Variants in CELSR1 observed in about 807,000 individuals in gnomAD.
CELSR1 encodes cadherin EGF LAG seven-pass G-type receptor 1.
In CELSR1, 110 loss-of-function variants were observed where a neutral mutation model predicts 249.1. That is an observed-to-expected ratio of 0.44 (90% CI 0.38 to 0.52). The LOEUF is 0.52. Ranked by LOEUF, CELSR1 falls within the 20% of genes least tolerant of loss-of-function variation. The pLI is 0.00. For synonymous variants in CELSR1, 2,113 were observed against 1,900.0 expected (o/e 1.11, Z -2.92); for missense variants, 4,109 against 4,296.4 (o/e 0.96, Z 1.22).
rs61702896 is a variant in CELSR1 at position 46,473,531 on chromosome 22, C to A, written c.3545-9186G>T. 0.019 allele frequency among the ~76,000 whole-genome samples: 2,840 copies of A among 152,246 alleles called. 96 individuals are homozygous for A. The highest frequency in any genetic ancestry group is 0.066 in the African/African-American group (2,735 of 41,548). ...GAGTCTCCGTCACCACCCCATGCAC[C>A]AAAGCCTGGGGGGCTCCTCCACTCT... On this transcript the variant is annotated intron_variant, in intron 1 of 34. Coordinates refer to ENST00000674500, the MANE Select transcript of CELSR1 (RefSeq NM_001378328.1). The surrounding 1 kb of genome is among the most constrained non-coding windows in gnomAD (Gnocchi z 6.6).
chr22:46,378,669 G>A lies in CELSR1; in HGVS notation c.7305C>T (p.Ser2435=), dbSNP rs1225066271. Residue 2435 remains serine (S), a synonymous_variant, in exon 23 of 35, where the codon TCC becomes TCT. Coordinates refer to ENST00000674500, the MANE Select transcript of CELSR1 (RefSeq NM_001378328.1). Reference sequence around the variant, plus strand: ...GGCAGGCGACATGTGTCCGGTTCCTGGACAGGAGCTCGCAGCCCCGGGCAG... The same window carrying A: ...GGCAGGCGACATGTGTCCGGTTCCTAGACAGGAGCTCGCAGCCCCGGGCAG... The part of the protein sequence containing the change: ...GWSARGCELL[S]RNRTHVACQC... 17 of 1,611,394 alleles carry A rather than the reference G, an allele frequency of 1.1e-5. No individual in the cohort carries two copies. Among genetic ancestry groups the A allele is most frequent in the Non-Finnish European group, 1.4e-5 (17 of 1,179,500 alleles).
In CELSR1 at chr22:46,468,285, C is replaced by T. The variant is rs1879934073; in HGVS notation, c.3545-3940G>A. On this transcript the variant is annotated intron_variant, in intron 1 of 34. Coordinates refer to ENST00000674500, the MANE Select transcript of CELSR1 (RefSeq NM_001378328.1). This position sits in a 1 kb window ranked among gnomAD's most constrained non-coding sequence, Gnocchi z 4.5. Reference sequence around the variant, plus strand: ...CCTGTAATCTTAGCTACTCGGGAGGCTGAGGCAGGAGAATCGCTTGAACCC... The same window carrying T: ...CCTGTAATCTTAGCTACTCGGGAGGTTGAGGCAGGAGAATCGCTTGAACCC... Among the ~76,000 whole-genome samples the T allele has an allele frequency of 6.6e-6, 1 of 151,480 alleles. No individual in the cohort carries two copies. Among genetic ancestry groups the T allele is most frequent in the Non-Finnish European group, 1.5e-5 (1 of 67,972 alleles).
chr22:46,463,784 G>T lies in CELSR1; in HGVS notation c.4106C>A (p.Ser1369Tyr). Residue 1369 changes from serine to tyrosine, a missense_variant, in exon 2 of 35, where the codon TCC becomes TAC. This residue lies in a region of CELSR1 where 453 missense variants were observed against 492.0 expected (regional missense o/e 0.92). Transcript: ENST00000674500. ...GCGGCCGTTGGCGCCGCACGGGTCG[G>T]AGTAGCAGAGGTCGATCTCCGTCTC... The part of the protein sequence containing the change: ...YCETEIDLCY[S>Y]DPCGANGRCR... The T allele has an allele frequency of 6.2e-7, 1 of 1,601,302 alleles. No individual in the cohort carries two copies. Among genetic ancestry groups the T allele is most frequent in the Non-Finnish European group, 8.5e-7 (1 of 1,174,030 alleles).
rs774962910 is a variant in CELSR1 at position 46,390,523 on chromosome 22, C to CA, written c.6251-38dup. ...GAGCAGGTGTGCAAAGCCTGAAACT[C>CA]AAACTGTTGATCAATGCTTGTGTAT... On this transcript the variant is annotated intron_variant, in intron 16 of 34. Coordinates refer to ENST00000674500, the MANE Select transcript of CELSR1 (RefSeq NM_001378328.1). This position sits in a 1 kb window ranked among gnomAD's most constrained non-coding sequence, Gnocchi z 6.3. 1 of 1,500,260 alleles carries CA rather than the reference C, an allele frequency of 6.7e-7. No individual in the cohort carries two copies. The highest frequency in any genetic ancestry group is 9.3e-7 in the Non-Finnish European group (1 of 1,080,918). 92.9% of individuals were successfully genotyped at this position (1,500,260 alleles called of 1,614,324 possible). A position where few individuals can be genotyped will look rare whatever the true frequency, so the allele number is the denominator to read the frequency against.
At chr22:46,453,210 G>A (rs2079906809) in intron 2 of CELSR1, among the ~76,000 whole-genome samples, 1 of 152,176 alleles carries the variant, frequency 6.6e-6, no homozygotes, top group Non-Finnish European at 1.5e-5. Flanking sequence ...GGGCTGGAAG[G>A]GACGTGCCCG....
chr22:46,444,349 T>C (rs2079792175), intron 2 of CELSR1, among the ~76,000 whole-genome samples: 1 of 152,200 alleles, frequency 6.6e-6, no homozygotes, highest in African/African-American at 2.4e-5. Context: ...TGATTTCTAG[T>C]GGCCCCCGAT....
At chr22:46,385,886 C>G (rs2079027855) in intron 19 of CELSR1, among the ~76,000 whole-genome samples, 1 of 151,650 alleles carries the variant, frequency 6.6e-6, no homozygotes, top group Non-Finnish European at 1.5e-5. Flanking sequence ...ACCATGTTAG[C>G]CAGGATGGTC....
chr22:46,386,682 C>T lies in CELSR1; in HGVS notation c.6556-97G>A, dbSNP rs150901451. 4.3e-6 allele frequency: 4 copies of T among 937,646 alleles called. No individual in the cohort carries two copies. In the African/African-American group the frequency reaches 5.1e-5, roughly 12 times the overall value. The allele number at this position is 937,646 out of a possible 1,614,324, so 58.1% of individuals were successfully genotyped here. A position where few individuals can be genotyped will look rare whatever the true frequency, so the allele number is the denominator to read the frequency against. On this transcript the variant is annotated intron_variant, in intron 18 of 34. Transcript: ENST00000674500. ...TGAAAGCCTTTGCTTGCCTAGTGGG[C>T]TCATTCATTCATTCCAGCCCTACAC... is the stretch of plus-strand genomic sequence containing the variant.
chr22:46,533,586 G>A (rs756477185), intron 1 of CELSR1, 41 bp downstream of exon 1: 1 of 1,514,474 alleles, frequency 6.6e-7, no homozygotes, highest in Non-Finnish European at 8.8e-7. Context: ...TCTCCAGGAG[G>A]CCCATCAGGA....
At chr22:46,474,143 G>C (rs934322217) in intron 1 of CELSR1, among the ~76,000 whole-genome samples, 2 of 152,194 alleles carry the variant, frequency 1.3e-5, no homozygotes, top group East Asian at 1.9e-4. Flanking sequence ...ACAAAGTCCT[G>C]TGTTAACCTT....
chr22:46,435,496 G>A (rs569197171), intron 4 of CELSR1, among the ~76,000 whole-genome samples: 22 of 151,594 alleles, frequency 1.5e-4, no homozygotes, highest in South Asian at 2.1e-4. Flanking sequence ...TAGCCAGGCT[G>A]GTCTCTAACT....
At chr22:46,461,701 C>T (rs1289616137) in intron 2 of CELSR1, among the ~76,000 whole-genome samples, 3 of 152,262 alleles carry the variant, frequency 2.0e-5, no homozygotes, top group East Asian at 3.8e-4. Flanking sequence ...GCCTGGTATA[C>T]AGTAGGTACT....
intron 14 of CELSR1, 120 bp downstream of exon 14, chr22:46,394,022 T>G (rs900344135): frequency 3.2e-6 from 4 of 1,252,816 alleles, no homozygotes; most frequent in Non-Finnish European, 4.4e-6. Context: ...GGCACAGGTG[T>G]GTGTGCAGGG....
chr22:46,431,644 C>T (rs898328585), intron 5 of CELSR1, among the ~76,000 whole-genome samples: 1 of 152,194 alleles, frequency 6.6e-6, no homozygotes, highest in Non-Finnish European at 1.5e-5. Flanking sequence ...GGAAGGGTCA[C>T]CAGGTCAGAG....
At chr22:46,366,211 C>CACGG (rs2078777469) in intron 30 of CELSR1, among the ~76,000 whole-genome samples, 175 bp downstream of exon 30, 1 of 642 alleles carries the variant, frequency 1.6e-3, no homozygotes, top group Non-Finnish European at 3.0e-3. Context: ...AGGTGCGAGG[C>CACGG]GGGGAGGGAA....
At chr22:46,461,027 C>A (rs957828517) in intron 2 of CELSR1, among the ~76,000 whole-genome samples, 3 of 152,226 alleles carry the variant, frequency 2.0e-5, no homozygotes, top group African/African-American at 7.2e-5. Flanking sequence ...AACCTTGCAA[C>A]CGTGAGGCCC....
chr22:46,442,605 G>C (rs2079764861), intron 2 of CELSR1, among the ~76,000 whole-genome samples: 1 of 152,224 alleles, frequency 6.6e-6, no homozygotes, highest in African/African-American at 2.4e-5. Context: ...ATTTCAGTGA[G>C]TTCAGTCGTT....
At position 46,436,599 on chromosome 22, in the gene CELSR1, T is replaced by C. The variant is rs1252630997; in HGVS notation, c.4407-310A>G. 6.6e-6 allele frequency among the ~76,000 whole-genome samples: 1 copy of C among 152,152 alleles called. No homozygotes were observed. Among genetic ancestry groups the C allele is most frequent in the African/African-American group, 2.4e-5 (1 of 41,434 alleles). On this transcript the variant is annotated intron_variant, in intron 3 of 34. Coordinates refer to ENST00000674500, the MANE Select transcript of CELSR1 (RefSeq NM_001378328.1). This position sits in a 1 kb window ranked among gnomAD's most constrained non-coding sequence, Gnocchi z 5.9. ...GCGGCCAGGACACCTGTTACTGATG[T>C]GTTTGGGCAAAGCACGTGCTGTACA...
chr22:46,463,583 G>T, intron 2 of CELSR1, 124 bp downstream of exon 2: 1 of 1,063,362 alleles, frequency 9.4e-7, no homozygotes, highest in South Asian at 2.6e-5. Context: ...GCCCACACCT[G>T]GGCCCAGCGC....
Sources: allele counts gnomAD v4.1 joint callset (sites outside exome capture counted in the v4.1 genomes callset), GRCh38; gene constraint gnomAD v4.1.1; regional missense constraint gnomAD v4.1.1; non-coding constraint Gnocchi (gnomAD v3.1); transcripts MANE v1.5; gene names NCBI Gene and HGNC (gene_info 2026-07-23, HGNC 2026-07-21).